The following HIBCH variants were observed in gnomAD, a reference collection of about 807,000 sequenced individuals.
HIBCH encodes the protein 3-hydroxyisobutyryl-CoA hydrolase, mitochondrial.
In HIBCH, 50 loss-of-function variants were observed where a neutral mutation model predicts 58.2. The observed-to-expected ratio is 0.86, with a 90% confidence interval of 0.68 to 1.09. HIBCH has a LOEUF of 1.09. HIBCH is among the 50% of genes least tolerant of loss of function. The pLI is 0.00. For synonymous variants in HIBCH, 151 were observed against 146.9 expected, an observed-to-expected ratio of 1.03 and a Z score of -0.20; for missense variants, 450 against 449.7, an observed-to-expected ratio of 1.00 and a Z score of -0.01.
intron 2 of HIBCH, among the ~76,000 whole-genome samples, chr2:190,309,398 G>A (rs1441587317): frequency 6.6e-6 from 1 of 151,938 alleles, no homozygotes; most frequent in East Asian, 1.9e-4. Context: ...TTATTTTTAT[G>A]TGCAATTTAC....
At position 190,209,695 on chromosome 2, in the gene HIBCH, T is replaced by C. The variant is rs764710251; in HGVS notation, c.1012-782A>G. On this transcript the variant is annotated intron_variant, in intron 12 of 13. Transcript: ENST00000359678. The surrounding 1 kb of genome is among the most constrained non-coding windows in gnomAD (Gnocchi z 5.6). ...CCATCCCTTTTTCAAAGACCAGTCC[T>C]CCCTTGCATTCCAATTCACATCCCC... Among the ~76,000 whole-genome samples, 1 of 152,214 alleles carries C rather than the reference T, an allele frequency of 6.6e-6. No homozygotes were observed. The highest frequency in any genetic ancestry group is 1.5e-5 in the Non-Finnish European group (1 of 68,038).
intron 6 of HIBCH, among the ~76,000 whole-genome samples, chr2:190,278,081 C>T (rs1687602825): frequency 6.6e-6 from 1 of 152,112 alleles, no homozygotes; most frequent in African/African-American, 2.4e-5. Context: ...AGTCTGAACA[C>T]CTTACAAAAA....
At chr2:190,319,423 T>C (rs1688789710) in intron 1 of HIBCH, among the ~76,000 whole-genome samples, 1 of 152,122 alleles carries the variant, frequency 6.6e-6, no homozygotes, top group Non-Finnish European at 1.5e-5. Context: ...ACCCAACTTT[T>C]AAGAAAGGAA....
Position 190,207,604 on chromosome 2 carries a change from G to GCTCAT in HIBCH, c.1045+1275_1045+1276insATGAG, listed in dbSNP as rs1425883059. Among the ~76,000 whole-genome samples the GCTCAT allele has an allele frequency of 1.3e-5, 2 of 152,152 alleles. No individual in the cohort carries two copies. Among genetic ancestry groups the GCTCAT allele is most frequent in the African/African-American group, 4.8e-5 (2 of 41,434 alleles). ...CAGATAAAAAAGTATATCCAGGCTGGGCACGGTGGCTCATGCCTGTAATCA... is the reference window on the plus strand; with the variant it reads ...CAGATAAAAAAGTATATCCAGGCTGGCTCATGCACGGTGGCTCATGCCTGTAATCA... On this transcript the variant is annotated intron_variant, in intron 13 of 13. Transcript: ENST00000359678. This position sits in a 1 kb window ranked among gnomAD's most constrained non-coding sequence, Gnocchi z 4.5.
chr2:190,209,039 G>GGTGGTTC lies in HIBCH; in HGVS notation c.1012-127_1012-126insGAACCAC. 2 of 799,554 alleles carry GGTGGTTC rather than the reference G, an allele frequency of 2.5e-6. No homozygotes were observed. Among genetic ancestry groups the GGTGGTTC allele is most frequent in the Non-Finnish European group, 4.2e-6 (2 of 470,674 alleles). The allele number at this position is 799,554 out of a possible 1,614,324, so 49.5% of individuals were successfully genotyped here. On this transcript the variant is annotated intron_variant, in intron 12 of 13. Coordinates refer to ENST00000359678, the MANE Select transcript of HIBCH (RefSeq NM_014362.4). The surrounding 1 kb of genome is among the most constrained non-coding windows in gnomAD (Gnocchi z 5.6). The stretch of plus-strand genomic sequence containing the variant: ...CACAACCTGAACCATGACATTCAGA[G>GGTGGTTC]ACTGAACCACCTCTGATAGCCCACT...
chr2:190,256,170 T>C (rs566513409), intron 7 of HIBCH, among the ~76,000 whole-genome samples: 3 of 152,058 alleles, frequency 2.0e-5, no homozygotes, highest in Non-Finnish European at 4.4e-5. Context: ...CCTGGACACA[T>C]GGGGATTACG....
intron 1 of HIBCH, among the ~76,000 whole-genome samples, chr2:190,196,916 G>A (rs1434073992): frequency 1.3e-5 from 2 of 152,142 alleles, no homozygotes; most frequent in African/African-American, 4.8e-5. Context: ...AGAAGACTGG[G>A]TGTTTATCAA....
At chr2:190,224,330 A>G (rs1016320099) in intron 11 of HIBCH, among the ~76,000 whole-genome samples, 1 of 152,228 alleles carries the variant, frequency 6.6e-6, no homozygotes, top group Admixed American at 6.5e-5. Flanking sequence ...CTCTGGGGTC[A>G]GGGCTTAGCA....
In HIBCH at chr2:190,288,753, G is replaced by A. The variant is rs1159505285; in HGVS notation, c.386-1115C>T. 3.3e-5 allele frequency among the ~76,000 whole-genome samples: 5 copies of A among 152,130 alleles called. 1 individual carries two copies. The highest frequency in any genetic ancestry group is 3.3e-4 in the Admixed American group (5 of 15,260). On this transcript the variant is annotated intron_variant, in intron 5 of 13. Coordinates refer to ENST00000359678, the MANE Select transcript of HIBCH (RefSeq NM_014362.4). Reference sequence around the variant, plus strand: ...GGAATTGGAAAGCTTAAAAAGCAGCGGCCTCTATTTGTCTACTTTGCTGTA... The same window carrying A: ...GGAATTGGAAAGCTTAAAAAGCAGCAGCCTCTATTTGTCTACTTTGCTGTA...
chr2:190,199,642 C>CATACACTATTTTGCATTCTGTAACTTCA (rs1553491471), downstream of HIBCH: 1 of 1,168,966 alleles, frequency 8.6e-7, no homozygotes, highest in Non-Finnish European at 1.1e-6. Flanking sequence ...GCCACTCAAT[C>CATACACTATTTTGCATTCTGTAACTTCA]ATACACTATT....
chr2:190,206,585 G>T lies in HIBCH; in HGVS notation c.1046-1353C>A, dbSNP rs1272458553. On this transcript the variant is annotated intron_variant, in intron 13 of 13. Transcript: ENST00000359678. The surrounding 1 kb of genome is among the most constrained non-coding windows in gnomAD (Gnocchi z 5.1). ...TAGCCACTACATGGAGTTTGAGTGG[G>T]TATCCAGCTCCACTAAGATGGTCTT... Among the ~76,000 whole-genome samples the T allele has an allele frequency of 6.6e-6, 1 of 152,158 alleles. No individual in the cohort carries two copies. The highest frequency in any genetic ancestry group is 1.5e-5 in the Non-Finnish European group (1 of 68,024).
intron 6 of HIBCH, among the ~76,000 whole-genome samples, chr2:190,275,585 T>C (rs1314812462): frequency 2.0e-5 from 3 of 152,166 alleles, no homozygotes; most frequent in Non-Finnish European, 4.4e-5. Context: ...CAAGAACAAA[T>C]ATCAAATTTA....
intron 6 of HIBCH, among the ~76,000 whole-genome samples, chr2:190,285,929 C>A (rs1405193317): frequency 6.6e-6 from 1 of 152,096 alleles, no homozygotes; most frequent in Non-Finnish European, 1.5e-5. Context: ...CTCACTATAA[C>A]CTCCCGGGTT....
At chr2:190,219,398 C>CT (rs1455467757) in intron 11 of HIBCH, among the ~76,000 whole-genome samples, 3 of 152,212 alleles carry the variant, frequency 2.0e-5, no homozygotes, top group African/African-American at 7.2e-5. Flanking sequence ...ACAGGATATA[C>CT]TAGGCCCCTG....
Position 190,288,890 on chromosome 2 carries a change from T to G in HIBCH, c.386-1252A>C, listed in dbSNP as rs186918515. On this transcript the variant is annotated intron_variant, in intron 5 of 13. Transcript: ENST00000359678. Reference sequence around the variant, plus strand: ...ACTTTGGGAGGCCGGGGCAGATGGATCACCTAGGGTCAGGAGTTCGAGAGC... The same window carrying G: ...ACTTTGGGAGGCCGGGGCAGATGGAGCACCTAGGGTCAGGAGTTCGAGAGC... Among the ~76,000 whole-genome samples, 130 of 152,222 alleles carry G rather than the reference T, an allele frequency of 8.5e-4. 1 individual carries two copies. The highest frequency in any genetic ancestry group is 3.1e-3 in the African/African-American group (128 of 41,538).
intron 11 of HIBCH, among the ~76,000 whole-genome samples, chr2:190,225,913 T>C (rs915091073): frequency 6.6e-6 from 1 of 152,176 alleles, no homozygotes; most frequent in African/African-American, 2.4e-5. Flanking sequence ...ATCAAAAAGC[T>C]TATCCACCAT....
At chr2:190,220,590 C>T (rs1685688930) in intron 11 of HIBCH, 1 of 151,822 alleles carries the variant, frequency 6.6e-6, no homozygotes, top group Admixed American at 6.6e-5. Flanking sequence ...AACATTCTCC[C>T]ATTTAATGCC....
chr2:190,205,394 C>A (rs982426463), intron 13 of HIBCH, among the ~76,000 whole-genome samples, 162 bp from the exon 14 acceptor site: 1 of 152,128 alleles, frequency 6.6e-6, no homozygotes, highest in Non-Finnish European at 1.5e-5. Flanking sequence ...TAAATTAAAT[C>A]TCCAGGGATG....
chr2:190,319,726 G>T lies in HIBCH; in HGVS notation c.25C>A (p.Leu9Ile). The T allele has an allele frequency of 1.9e-6, 3 of 1,612,664 alleles. No individual in the cohort carries two copies. Among genetic ancestry groups the T allele is most frequent in the Non-Finnish European group, 2.5e-6 (3 of 1,179,186 alleles). Residue 9 changes from leucine (L) to isoleucine (I), a missense_variant, in exon 1 of 14, where the codon CTC becomes ATC. Transcript: ENST00000359678. MGQREMWRLMSRFNAFKRT... is the reference protein window; with the variant it reads MGQREMWRIMSRFNAFKRT... ...CGCTCTCTCACTCACCTCGACATGAGCCTCCACATCTCGCGCTGCCCCATC... is the reference window on the plus strand; with the variant it reads ...CGCTCTCTCACTCACCTCGACATGATCCTCCACATCTCGCGCTGCCCCATC...
Sources: allele counts gnomAD v4.1 joint callset (sites outside exome capture counted in the v4.1 genomes callset), GRCh38; gene constraint gnomAD v4.1.1; non-coding constraint Gnocchi (gnomAD v3.1); transcripts MANE v1.5; gene names NCBI Gene and HGNC (gene_info 2026-07-23, HGNC 2026-07-21).